ABCB1: variants seen among roughly 807,000 people sequenced by gnomAD.
ABCB1 encodes the protein ATP binding cassette subfamily B member 1.
A neutral mutation model predicts 142.0 loss-of-function variants in ABCB1; 69 were observed. The ratio of observed to expected loss-of-function variants is 0.49; its 90% CI spans 0.40 to 0.59. The LOEUF is 0.59. Among genes scored for constraint, ABCB1 ranks in the 20% least tolerant of loss-of-function variants. The pLI is 0.00. For synonymous variants in ABCB1, 532 were observed against 539.2 expected, an observed-to-expected ratio of 0.99 and a Z score of 0.18; for missense variants, 1,326 against 1,554.7, an observed-to-expected ratio of 0.85 and a Z score of 2.47.
At chr7:87,521,323 T>G (rs1584842387) in intron 21 of ABCB1, 2 of 408,064 alleles carry the variant, frequency 4.9e-6, no homozygotes, top group Non-Finnish European at 8.8e-6. Context: ...TGGAAAATAG[T>G]GAAAGAATGC....
At chr7:87,577,673 T>C (rs138167236) in intron 4 of ABCB1, among the ~76,000 whole-genome samples, 1 of 152,242 alleles carries the variant, frequency 6.6e-6, no homozygotes, top group African/African-American at 2.4e-5. Flanking sequence ...TCTCTGATGA[T>C]CAATGATGTT....
chr7:87,703,612 T>G (rs1352048607), intron 1 of ABCB1, among the ~76,000 whole-genome samples: 2 of 152,126 alleles, frequency 1.3e-5, no homozygotes, highest in East Asian at 3.8e-4. Context: ...TTCTTCTCTG[T>G]CTCACGTATT....
chr7:87,648,410 G>A (rs181765640), intron 1 of ABCB1, among the ~76,000 whole-genome samples: 275 of 152,070 alleles, frequency 1.8e-3, no homozygotes, highest in African/African-American at 6.4e-3. Flanking sequence ...ATGTCCCAGA[G>A]GAAGTGACAC....
In ABCB1 at chr7:87,549,455, C is replaced by T. The variant is rs201188762; in HGVS notation, c.1618G>A (p.Ala540Thr). Reference protein sequence around the residue: ...QLSGGQKQRIAIARALVRNPK... With the variant: ...QLSGGQKQRITIARALVRNPK... The stretch of plus-strand genomic sequence containing the variant: ...TTGCGAACCAGGGCACGTGCAATGG[C>T]GATCCTCTGCTTCTGCCCACCACTC... Residue 540 changes from alanine to threonine, a missense_variant, in exon 14 of 28, where the codon GCC (alanine) becomes ACC (threonine). Ala to Thr is a moderately conservative substitution (Grantham distance 58). Transcript: ENST00000622132. The T allele has an allele frequency of 1.7e-5, 27 of 1,614,064 alleles. No individual in the cohort carries two copies. The highest frequency in any genetic ancestry group is 2.1e-5 in the Non-Finnish European group (25 of 1,180,048).
At chr7:87,623,117 C>T (rs1820284600) in intron 1 of ABCB1, among the ~76,000 whole-genome samples, 1 of 152,152 alleles carries the variant, frequency 6.6e-6, no homozygotes, top group African/African-American at 2.4e-5. Flanking sequence ...CTGCCATTTA[C>T]TATGTGACTT....
At chr7:87,666,224 T>C (rs1428597869) in intron 1 of ABCB1, among the ~76,000 whole-genome samples, 2 of 152,200 alleles carry the variant, frequency 1.3e-5, no homozygotes, top group African/African-American at 4.8e-5. Context: ...TTGATTTGCA[T>C]TTTTCTAATG....
chr7:87,641,832 A>T (rs981137195), intron 1 of ABCB1, among the ~76,000 whole-genome samples: 1 of 152,190 alleles, frequency 6.6e-6, no homozygotes, highest in Non-Finnish European at 1.5e-5. Flanking sequence ...AGGTTAGGAA[A>T]ACAATATCCT....
At chr7:87,585,348 T>G (rs1029072637) in intron 4 of ABCB1, among the ~76,000 whole-genome samples, 164 bp downstream of exon 4, 1 of 152,212 alleles carries the variant, frequency 6.6e-6, no homozygotes. Flanking sequence ...TTGTAAATAT[T>G]ATCTTTTCTA....
chr7:87,630,010 T>C (rs1216312896), intron 1 of ABCB1, among the ~76,000 whole-genome samples: 1 of 152,138 alleles, frequency 6.6e-6, no homozygotes, highest in African/African-American at 2.4e-5. Context: ...TTAAGTCTTA[T>C]ATCTGAGTAT....
At chr7:87,703,045 T>C (rs1019591943) in intron 1 of ABCB1, among the ~76,000 whole-genome samples, 5 of 152,158 alleles carry the variant, frequency 3.3e-5, no homozygotes, top group African/African-American at 1.2e-4. Context: ...CTTTATTATT[T>C]TGACATTTAG....
chr7:87,629,135 T>C (rs1820939074), intron 1 of ABCB1: 1 of 451,122 alleles, frequency 2.2e-6, no homozygotes, highest in Non-Finnish European at 3.7e-6. Context: ...GTCGCAGCCC[T>C]GGACTTTGTG....
At chr7:87,542,211 T>C (rs10276603) in intron 17 of ABCB1, among the ~76,000 whole-genome samples, 18,951 of 152,194 alleles carry the variant, frequency 0.12, 1,248 homozygotes, top group African/African-American at 0.15. Flanking sequence ...ACAACAAGGA[T>C]TTTTGAAGAG....
chr7:87,535,101 T>C (rs1005547875), intron 20 of ABCB1, among the ~76,000 whole-genome samples: 1 of 152,040 alleles, frequency 6.6e-6, no homozygotes, highest in East Asian at 1.9e-4. Flanking sequence ...ATAACCAAAT[T>C]AGTCTAAAAC....
rs146127516 is a variant in ABCB1 at position 87,702,142 on chromosome 7, C to CAAAAAAA, written c.-331+11012_-331+11018dup. On this transcript the variant is annotated intron_variant, in intron 1 of 28. Coordinates refer to the ABCB1 transcript ENST00000265724. Reference sequence around the variant, plus strand: ...TGGGCAAAAGAGCGAGACTCTGTCTCAAAAAAAAAAAAAAAAAAAAAAAAA... The same window carrying CAAAAAAA: ...TGGGCAAAAGAGCGAGACTCTGTCTCAAAAAAAAAAAAAAAAAAAAAAAAAAAAAAAA... 4.2e-3 allele frequency among the ~76,000 whole-genome samples: 71 copies of CAAAAAAA among 16,774 alleles called. 9 individuals are homozygous for CAAAAAAA. Among genetic ancestry groups the CAAAAAAA allele is most frequent in the African/African-American group, 0.01 (60 of 5,726 alleles). The allele number at this position is 16,774 out of a possible 152,430, so 11.0% of individuals were successfully genotyped here. A position where few individuals can be genotyped will look rare whatever the true frequency, so the allele number is the denominator to read the frequency against.
At chr7:87,605,585 A>G (rs1819622714), upstream of ABCB1, among the ~76,000 whole-genome samples, 1 of 152,234 alleles carries the variant, frequency 6.6e-6, no homozygotes, top group Non-Finnish European at 1.5e-5. Context: ...ACAACTGAGT[A>G]AGATAAAGGG....
At chr7:87,601,178 C>T (rs1192734966), upstream of ABCB1, 1 of 152,154 alleles carries the variant, frequency 6.6e-6, no homozygotes. Flanking sequence ...TCTTCATATC[C>T]ATATAACTAC....
intron 7 of ABCB1, among the ~76,000 whole-genome samples, chr7:87,564,763 C>A (rs1291225819): frequency 6.6e-6 from 1 of 152,152 alleles, no homozygotes. Context: ...CCTGGGGCTC[C>A]TTTTACTAAA....
At chr7:87,517,568 T>C (rs1364545833) in intron 23 of ABCB1, among the ~76,000 whole-genome samples, 1 of 152,194 alleles carries the variant, frequency 6.6e-6, no homozygotes, top group African/African-American at 2.4e-5. Flanking sequence ...CATAGGTTTG[T>C]GGGCAAAAAT....
intron 3 of ABCB1, among the ~76,000 whole-genome samples, chr7:87,591,246 C>T (rs2188526): frequency 0.38 from 57,256 of 151,954 alleles, 12,571 homozygotes; most frequent in South Asian, 0.64. Context: ...GAAACAGAGC[C>T]TCCAGAAGAA....
Sources: gnomAD v4.1 joint callset for allele counts (sites outside exome capture counted in the v4.1 genomes callset) on GRCh38, gnomAD v4.1.1 for gene constraint, MANE v1.5 for transcripts, NCBI Gene and HGNC (gene_info 2026-07-23, HGNC 2026-07-21) for gene names.